The following EED variants were observed in gnomAD, a reference collection of about 807,000 sequenced individuals.
The protein encoded by EED is embryonic ectoderm development.
EED carries 9 observed loss-of-function variants against 61.0 expected under a neutral mutation model. The observed-to-expected ratio is 0.15, with a 90% confidence interval of 0.09 to 0.26. The LOEUF (loss-of-function observed/expected upper bound fraction) is 0.26. Ranked by LOEUF, EED falls within the 10% of genes least tolerant of loss-of-function variation. The probability of loss-of-function intolerance (pLI) is 1.00; values close to 1 mark genes in which losing one functional copy is unlikely to be tolerated. For synonymous variants in EED, 187 were observed against 174.4 expected (o/e 1.07, Z -0.57); for missense variants, 315 against 542.3 (o/e 0.58, Z 4.16).
intron 3 of EED, among the ~76,000 whole-genome samples, chr11:86,253,085 GCCTTTT>G (rs1400751429): frequency 6.6e-6 from 1 of 152,162 alleles, no homozygotes; most frequent in African/African-American, 2.4e-5. Flanking sequence ...AAGGCTCTAG[GCCTTTT>G]ACTATTTGAC....
At chr11:86,252,949 T>A (rs1945572522) in intron 3 of EED, among the ~76,000 whole-genome samples, 1 of 152,154 alleles carries the variant, frequency 6.6e-6, no homozygotes, top group South Asian at 2.1e-4. Context: ...GTTTTCACCG[T>A]GTTGCCCATG....
At chr11:86,278,291 C>A (rs768274349) in intron 11 of EED, 108 bp from the exon 12 acceptor site, 1 of 1,462,962 alleles carries the variant, frequency 6.8e-7, no homozygotes. Context: ...GTTTTAAGTG[C>A]TTTTCGTATG....
intron 9 of EED, among the ~76,000 whole-genome samples, chr11:86,271,975 T>C (rs892376626): frequency 1.5e-5 from 2 of 134,820 alleles, no homozygotes; most frequent in African/African-American, 2.7e-5. Flanking sequence ...CTGGTTTTGG[T>C]ATTAGTAATA....
chr11:86,258,148 G>A lies in EED; in HGVS notation c.634+552G>A, dbSNP rs1945724376. 2.8e-5 allele frequency among the ~76,000 whole-genome samples: 4 copies of A among 143,974 alleles called. No homozygotes were observed. In the South Asian group the frequency reaches 8.7e-4, roughly 31 times the overall value. 94.5% of individuals were successfully genotyped at this position (143,974 alleles called of 152,430 possible). A position where few individuals can be genotyped will look rare whatever the true frequency, so the allele number is the denominator to read the frequency against. On this transcript the variant is annotated intron_variant, in intron 6 of 11. Transcript: ENST00000263360. ...GTGTATGGACAGATAGTGTTCTAAGGAAATAAAGCCAAATTAAAAAAAAGG... is the reference window on the plus strand; with the variant it reads ...GTGTATGGACAGATAGTGTTCTAAGAAAATAAAGCCAAATTAAAAAAAAGG...
At chr11:86,280,583 A>G (rs1356682203), downstream of EED, among the ~76,000 whole-genome samples, 2 of 152,208 alleles carry the variant, frequency 1.3e-5, no homozygotes, top group Non-Finnish European at 2.9e-5. Flanking sequence ...TTATATTCTC[A>G]AGGGTCTTAG....
Position 86,256,380 on chromosome 11 carries a change from T to G in EED, c.427-7T>G, listed in dbSNP as rs751766336. The G allele has an allele frequency of 5.7e-6, 9 of 1,565,374 alleles. No individual in the cohort carries two copies. In the Admixed American group the frequency reaches 1.3e-4, roughly 23 times the overall value. ...ACATTATGTTTCTTAACTGTGGAAT[T>G]TCTTAGGCTGATGAAAACTTTTACA... On this transcript the variant is annotated splice_polypyrimidine_tract_variant and splice_region_variant and intron_variant, in intron 4 of 11. Transcript: ENST00000263360.
Position 86,277,069 on chromosome 11 carries a change from T to C in EED, c.1056T>C (p.Ile352=), listed in dbSNP as rs766204145. ...AACCCAGTGAATCTAATGTGACTATTCTTGGGCGATTTGATTACAGCCAGT... is the reference window on the plus strand; with the variant it reads ...AACCCAGTGAATCTAATGTGACTATCCTTGGGCGATTTGATTACAGCCAGT... The part of the protein sequence containing the change: ...KIKPSESNVT[I]LGRFDYSQCD... Residue 352 remains isoleucine (I), a synonymous_variant, in exon 10 of 12, where the codon ATT becomes ATC. Coordinates refer to ENST00000263360, the MANE Select transcript of EED (RefSeq NM_003797.5). 10 of 1,595,256 alleles carry C rather than the reference T, an allele frequency of 6.3e-6. No homozygotes were observed. In the Admixed American group the frequency reaches 6.7e-5, roughly 11 times the overall value.
chr11:86,255,362 A>G (rs1945642046), intron 4 of EED, 75 bp downstream of exon 4: 1 of 1,169,948 alleles, frequency 8.5e-7, no homozygotes. Flanking sequence ...ACTTTTATAA[A>G]TTAATCATTT....
At position 86,256,528 on chromosome 11, in the gene EED, TAA is replaced by T; in HGVS notation, c.552+18_552+19del. On this transcript the variant is annotated intron_variant, in intron 5 of 11. Coordinates refer to ENST00000263360, the MANE Select transcript of EED (RefSeq NM_003797.5). ...GTGTATAAAGGTGGGTTTTTCTGGT[TAA>T]ATTGTAGATCTGCTTCTTTTGAATC... 6.5e-7 allele frequency: 1 copy of T among 1,539,312 alleles called. No homozygotes were observed. Among genetic ancestry groups the T allele is most frequent in the Non-Finnish European group, 8.8e-7 (1 of 1,136,912 alleles).
rs373015431 is a variant in EED, at chr11:86,278,376, C to G, written c.1200-23C>G. On this transcript the variant is annotated intron_variant, in intron 11 of 11. Transcript: ENST00000263360. ...GACAACGTTATGTGTGGTCTTTAAC[C>G]TGTTGTCATGTTTTTTCCCTAGATG... 7 of 1,608,096 alleles carry G rather than the reference C, an allele frequency of 4.4e-6. No homozygotes were observed. In the African/African-American group the frequency reaches 9.4e-5, roughly 22 times the overall value.
chr11:86,253,469 AAG>A (rs1945587228), intron 3 of EED, among the ~76,000 whole-genome samples: 1 of 152,212 alleles, frequency 6.6e-6, no homozygotes, highest in Non-Finnish European at 1.5e-5. Context: ...TTCTAACAAA[AAG>A]AATCCCTATT....
In EED at chr11:86,266,150, T is replaced by A; in HGVS notation, c.794T>A (p.Ile265Asn). Residue 265 changes from isoleucine to asparagine, a missense_variant, in exon 8 of 12, where the codon ATC becomes AAC. By Grantham distance (149) the Ile-to-Asn change is moderately radical (BLOSUM62 -3). Coordinates refer to ENST00000263360, the MANE Select transcript of EED (RefSeq NM_003797.5). ...GATCATTCTCTTAAACTTTGGAGGA[T>A]CAATTCAAAGAGAATGATGAATGCA... is the stretch of plus-strand genomic sequence containing the variant. Reference protein sequence around the residue: ...GMDHSLKLWRINSKRMMNAIK... With the variant: ...GMDHSLKLWRNNSKRMMNAIK... The A allele has an allele frequency of 6.2e-7, 1 of 1,604,338 alleles. No homozygotes were observed. Among genetic ancestry groups the A allele is most frequent in the Non-Finnish European group, 8.5e-7 (1 of 1,173,130 alleles).
At chr11:86,264,763 C>G (rs1438377516) in intron 7 of EED, 1 of 152,200 alleles carries the variant, frequency 6.6e-6, no homozygotes, top group Admixed American at 6.6e-5. Context: ...TAAATACCAC[C>G]TTTATATTGA....
At chr11:86,261,407 C>A (rs941214331) in intron 6 of EED, among the ~76,000 whole-genome samples, 5 of 152,204 alleles carry the variant, frequency 3.3e-5, no homozygotes, top group Non-Finnish European at 5.9e-5. Context: ...TTGGGCAGCC[C>A]CATCTTTATG....
intron 6 of EED, among the ~76,000 whole-genome samples, chr11:86,260,136 G>A (rs1945789464): frequency 6.6e-6 from 1 of 152,176 alleles, no homozygotes; most frequent in Admixed American, 6.5e-5. Context: ...TACCTCTGGG[G>A]TGTTTATGTG....
chr11:86,264,051 C>T, intron 6 of EED, 121 bp from the exon 7 acceptor site: 1 of 688,704 alleles, frequency 1.5e-6, no homozygotes, highest in East Asian at 2.7e-5. Context: ...AATATGGATT[C>T]CATTTTTAGG....
chr11:86,268,401 A>G, intron 8 of EED, 55 bp from the exon 9 acceptor site: 1 of 1,151,850 alleles, frequency 8.7e-7, no homozygotes, highest in South Asian at 1.5e-5. Context: ...GAAAAAGAGT[A>G]TGATTCTACT....
chr11:86,252,953 G>A (rs374717682), intron 3 of EED, among the ~76,000 whole-genome samples: 1 of 152,010 alleles, frequency 6.6e-6, no homozygotes, highest in African/African-American at 2.4e-5. Flanking sequence ...TCACCGTGTT[G>A]CCCATGCTGG....
downstream of EED, among the ~76,000 whole-genome samples, chr11:86,279,287 AAGG>A (rs1353871304): frequency 6.6e-6 from 1 of 152,202 alleles, no homozygotes; most frequent in African/African-American, 2.4e-5. Context: ...CATTAGGGCA[AAGG>A]AGGAGAGGAT....
Sources: allele counts gnomAD v4.1 joint callset (sites outside exome capture counted in the v4.1 genomes callset), GRCh38; gene constraint gnomAD v4.1.1; transcripts MANE v1.5; gene names NCBI Gene and HGNC (gene_info 2026-07-23, HGNC 2026-07-21).